The following SPATA17 variants were observed in gnomAD, a reference collection of about 807,000 sequenced individuals.
The protein encoded by SPATA17 is spermatogenesis-associated protein 17.
SPATA17 carries 53 observed loss-of-function variants against 62.2 expected under a neutral mutation model. That is an observed-to-expected ratio of 0.85 (90% confidence interval 0.68 to 1.07). The LOEUF (loss-of-function observed/expected upper bound fraction) is 1.07, where lower values mean the gene tolerates loss of function less well. SPATA17 is among the 50% of genes least tolerant of loss of function. SPATA17 has a pLI of 0.00. For synonymous variants in SPATA17, 146 were observed against 146.8 expected (o/e 0.99, Z 0.04); for missense variants, 466 against 425.5 (o/e 1.10, Z -0.84).
chr1:217,794,687 T>C (rs12094674), intron 8 of SPATA17, among the ~76,000 whole-genome samples: 2 of 152,290 alleles, frequency 1.3e-5, no homozygotes, highest in East Asian at 3.9e-4. Context: ...CAACAATTGA[T>C]TAAAACTTGG....
chr1:217,773,635 T>C (rs919290533), intron 6 of SPATA17, among the ~76,000 whole-genome samples: 1 of 152,158 alleles, frequency 6.6e-6, no homozygotes, highest in Non-Finnish European at 1.5e-5. Context: ...TTGACTATTT[T>C]ATGCAGTACA....
chr1:217,682,295 T>A (rs529435431), intron 4 of SPATA17, among the ~76,000 whole-genome samples: 1 of 151,918 alleles, frequency 6.6e-6, no homozygotes, highest in East Asian at 1.9e-4. Flanking sequence ...TCATGGTTCC[T>A]GGGGTTGTAT....
chr1:217,770,978 A>ATTTTTTTTT lies in SPATA17; in HGVS notation c.520-3334_520-3326dup, dbSNP rs374042087. 3.7e-3 allele frequency among the ~76,000 whole-genome samples: 184 copies of ATTTTTTTTT among 50,098 alleles called. 1 individual carries two copies. The highest frequency in any genetic ancestry group is 0.02 in the Middle Eastern group (1 of 50). The allele number at this position is 50,098 out of a possible 152,430, so 32.9% of individuals were successfully genotyped here. A position where few individuals can be genotyped will look rare whatever the true frequency, so the allele number is the denominator to read the frequency against. Reference sequence around the variant, plus strand: ...ATGTATCTATTATATAACTCATTGCATTTTTTTTTTTTTTTTTTTTTTTTT... The same window carrying ATTTTTTTTT: ...ATGTATCTATTATATAACTCATTGCATTTTTTTTTTTTTTTTTTTTTTTTTTTTTTTTTT... On this transcript the variant is annotated intron_variant, in intron 6 of 10. Coordinates refer to ENST00000366933, the MANE Select transcript of SPATA17 (RefSeq NM_138796.4).
intron 6 of SPATA17, among the ~76,000 whole-genome samples, chr1:217,748,219 T>G (rs528472993): frequency 6.7e-6 from 1 of 148,270 alleles, no homozygotes; most frequent in East Asian, 2.0e-4. Flanking sequence ...AGGAGAATGG[T>G]GTGAACCTGG....
At chr1:217,748,566 A>G (rs1295260288) in intron 6 of SPATA17, among the ~76,000 whole-genome samples, 1 of 151,658 alleles carries the variant, frequency 6.6e-6, no homozygotes, top group Non-Finnish European at 1.5e-5. Flanking sequence ...AACATGGTGA[A>G]ACCCCGTCTC....
intron 8 of SPATA17, among the ~76,000 whole-genome samples, chr1:217,784,199 G>T (rs191163511): frequency 6.6e-6 from 1 of 152,068 alleles, no homozygotes; most frequent in African/African-American, 2.4e-5. Context: ...TTATATCATT[G>T]CAGATAATAA....
At chr1:217,734,308 T>C (rs898828427) in intron 5 of SPATA17, among the ~76,000 whole-genome samples, 1 of 152,254 alleles carries the variant, frequency 6.6e-6, no homozygotes, top group Non-Finnish European at 1.5e-5. Flanking sequence ...TCAATAAATT[T>C]AACTAAAACA....
At chr1:217,749,985 C>CTCTA in intron 6 of SPATA17, among the ~76,000 whole-genome samples, 17 of 12,312 alleles carry the variant, frequency 1.4e-3, no homozygotes, top group East Asian at 4.6e-3. Flanking sequence ...CTCTCTCTCT[C>CTCTA]TATATATATA....
intron 5 of SPATA17, among the ~76,000 whole-genome samples, chr1:217,687,616 G>T (rs1423158466): frequency 6.6e-6 from 1 of 152,188 alleles, no homozygotes; most frequent in Admixed American, 6.5e-5. Context: ...ATGCTGTACA[G>T]GTTTGTAGCC....
chr1:217,846,789 A>G (rs1675539561), intron 9 of SPATA17, among the ~76,000 whole-genome samples: 1 of 152,060 alleles, frequency 6.6e-6, no homozygotes, highest in African/African-American at 2.4e-5. Flanking sequence ...TTTAAGCAAC[A>G]TTATAAGAGT....
chr1:217,716,928 G>A (rs570719774), intron 5 of SPATA17, among the ~76,000 whole-genome samples: 1 of 152,280 alleles, frequency 6.6e-6, no homozygotes, highest in Non-Finnish European at 1.5e-5. Flanking sequence ...ATACCTCAGA[G>A]ATGAAAAATA....
intron 6 of SPATA17, among the ~76,000 whole-genome samples, chr1:217,755,630 A>G (rs1165232434): frequency 6.6e-6 from 1 of 151,982 alleles, no homozygotes; most frequent in Non-Finnish European, 1.5e-5. Context: ...TTTTCCATTA[A>G]CTTTTAAATT....
At position 217,697,631 on chromosome 1, in the gene SPATA17, A is replaced by T. The variant is rs535748017; in HGVS notation, c.395+14270A>T. On this transcript the variant is annotated intron_variant, in intron 5 of 10. Coordinates refer to ENST00000366933, the MANE Select transcript of SPATA17 (RefSeq NM_138796.4). ...ATATATTATCTTTTTTATAATATAG[A>T]GCTCAAAGTTTCTTCTTTAATAGTT... Among the ~76,000 whole-genome samples, 7 of 152,212 alleles carry T rather than the reference A, an allele frequency of 4.6e-5. No homozygotes were observed. The East Asian group carries it at 1.2e-3, about 25-fold the overall frequency.
chr1:217,631,512 G>A, intron 1 of SPATA17, 66 bp downstream of exon 1: 1 of 1,546,856 alleles, frequency 6.5e-7, no homozygotes, highest in Non-Finnish European at 8.9e-7. Context: ...TTCCTCAGCG[G>A]GAGTTTCCAA....
intron 6 of SPATA17, among the ~76,000 whole-genome samples, chr1:217,760,240 G>A (rs1673140434): frequency 6.6e-6 from 1 of 152,056 alleles, no homozygotes; most frequent in Non-Finnish European, 1.5e-5. Flanking sequence ...TATTTTCTGG[G>A]CTTTCTACTA....
In SPATA17 at chr1:217,651,178, G is replaced by A; in HGVS notation, c.240G>A (p.Gln80=). Residue 80 remains glutamine (Q), a splice_region_variant and synonymous_variant, in exon 3 of 11, where the codon CAG becomes CAA. Transcript: ENST00000366933. ...LGRKQYQLTV[Q]VAYYTMMMNL... ...GAAAGCAATATCAACTAACTGTGCA[G>A]GTAAATATAAAATGTACATATGTTA... is the stretch of plus-strand genomic sequence containing the variant. 6.3e-7 allele frequency: 1 copy of A among 1,596,382 alleles called. No homozygotes were observed. The highest frequency in any genetic ancestry group is 1.1e-5 in the South Asian group (1 of 88,192).
intron 9 of SPATA17, among the ~76,000 whole-genome samples, chr1:217,813,682 T>C (rs1458635008): frequency 1.3e-5 from 2 of 152,144 alleles, no homozygotes; most frequent in South Asian, 2.1e-4. Flanking sequence ...TAACAATATA[T>C]TAGAGACTGA....
At chr1:217,730,015 G>T (rs866402674) in intron 5 of SPATA17, among the ~76,000 whole-genome samples, 2 of 152,238 alleles carry the variant, frequency 1.3e-5, no homozygotes, top group Middle Eastern at 6.8e-3. Context: ...CCACAGTAAA[G>T]GAAAATATAG....
chr1:217,686,005 G>A (rs1671207965), intron 5 of SPATA17, among the ~76,000 whole-genome samples: 1 of 152,140 alleles, frequency 6.6e-6, no homozygotes, highest in Non-Finnish European at 1.5e-5. Flanking sequence ...TCATAGGTAT[G>A]TATGTATGGG....
Sources: allele counts gnomAD v4.1 joint callset (sites outside exome capture counted in the v4.1 genomes callset), GRCh38; gene constraint gnomAD v4.1.1; transcripts MANE v1.5; gene names NCBI Gene and HGNC (gene_info 2026-07-23, HGNC 2026-07-21).